BBS12: variants seen among roughly 807,000 people sequenced by gnomAD.
The protein encoded by BBS12 is Bardet-Biedl syndrome 12.
A neutral mutation model predicts 5.6 loss-of-function variants in BBS12; 5 were observed. That is an observed-to-expected ratio of 0.89 (90% CI 0.46 to 1.86). The LOEUF (loss-of-function observed/expected upper bound fraction) is 1.86, where lower values mean the gene tolerates loss of function less well. Ranked by LOEUF, BBS12 falls within the 40% of genes most tolerant of loss-of-function variation. The probability of loss-of-function intolerance (pLI) is 0.01; values close to 1 mark genes in which losing one functional copy is unlikely to be tolerated. For missense variants in BBS12, 748 were observed against 830.4 expected (o/e 0.90, Z 1.22); for synonymous variants, 308 against 306.8 (o/e 1.00, Z -0.04).
In BBS12 at chr4:122,742,424, G is replaced by A; in HGVS notation, c.532G>A (p.Asp178Asn). 6.2e-7 allele frequency: 1 copy of A among 1,614,186 alleles called. No individual in the cohort carries two copies. The change falls in exon 2 of 2, where the codon GAT (aspartate) becomes AAT (asparagine). Residue 178 changes from aspartate to asparagine, a missense_variant. Physicochemically the swap from Asp to Asn is conservative, Grantham distance 23. Coordinates refer to ENST00000314218, the MANE Select transcript of BBS12 (RefSeq NM_152618.3). ...DLIEELHGLKDVASQTLTISN... is the reference protein window; with the variant it reads ...DLIEELHGLKNVASQTLTISN... The stretch of plus-strand genomic sequence containing the variant: ...GATAGAGGAATTGCATGGTCTCAAA[G>A]ATGTTGCCTCTCAAACACTGACCAT...
At position 122,743,195 on chromosome 4, in the gene BBS12, G is replaced by T; in HGVS notation, c.1303G>T (p.Gly435Cys). The stretch of plus-strand genomic sequence containing the variant: ...TATAAACAGTAAGCGGTTGGTAATC[G>T]GCTCAGTGAATGGCAGTGTGATGCA... Reference protein sequence around the residue: ...KCINSKRLVIGSVNGSVMQAF... With the variant: ...KCINSKRLVICSVNGSVMQAF... The change falls in exon 2 of 2, where the codon GGC becomes TGC. Residue 435 changes from glycine (G) to cysteine (C), a missense_variant. Transcript: ENST00000314218. 3 of 1,614,166 alleles carry T rather than the reference G, an allele frequency of 1.9e-6. No homozygotes were observed. The highest frequency in any genetic ancestry group is 3.3e-5 in the Admixed American group (2 of 60,022).
intron 1 of BBS12, among the ~76,000 whole-genome samples, chr4:122,738,896 C>G (rs553813370): frequency 6.6e-6 from 1 of 152,232 alleles, no homozygotes; most frequent in South Asian, 2.1e-4. Context: ...TATTTCCCCC[C>G]AGTTCATGTC....
chr4:122,715,077 T>C, the BBS12 span, among the ~76,000 whole-genome samples: 2 of 151,900 alleles, frequency 1.3e-5, no homozygotes, highest in Admixed American at 1.3e-4. Flanking sequence ...TGAGGAATAA[T>C]GGCTAAATAC....
Position 122,742,260 on chromosome 4 carries a change from G to A in BBS12, c.368G>A (p.Cys123Tyr), listed in dbSNP as rs1194438058. 1.2e-6 allele frequency: 2 copies of A among 1,613,848 alleles called. No individual in the cohort carries two copies. The highest frequency in any genetic ancestry group is 1.7e-6 in the Non-Finnish European group (2 of 1,179,994). The change falls in exon 2 of 2, where the codon TGT (cysteine) becomes TAT (tyrosine). Residue 123 changes from cysteine to tyrosine, a missense_variant. By Grantham distance (194) the Cys-to-Tyr change is radical. Transcript: ENST00000314218. The stretch of plus-strand genomic sequence containing the variant: ...GTAATGTCAGAAGGCTTAAACTTTT[G>A]TAGTGAAGAGGTAGTTTCTCTTCAT... ...VSVMSEGLNF[C>Y]SEEVVSLHVP...
chr4:122,739,469 A>C (rs1329544326), intron 1 of BBS12, among the ~76,000 whole-genome samples: 2 of 152,172 alleles, frequency 1.3e-5, no homozygotes, highest in Admixed American at 1.3e-4. Flanking sequence ...AGAACTACAG[A>C]CTCCACCTTT....
At chr4:122,736,823 A>T (rs309361) in intron 1 of BBS12, among the ~76,000 whole-genome samples, 41,139 of 152,004 alleles carry the variant, frequency 0.27, 6,779 homozygotes, top group African/African-American at 0.45. Flanking sequence ...GAGTTTTTAT[A>T]TTATGTTAAT....
At chr4:122,720,225 C>A in the BBS12 span, among the ~76,000 whole-genome samples, 8 of 152,100 alleles carry the variant, frequency 5.3e-5, no homozygotes, top group Non-Finnish European at 7.4e-5. Context: ...CTGAGGCGGG[C>A]AGATCACTTG....
At chr4:122,731,227 G>A (rs1221640967), upstream of BBS12, 1 of 152,158 alleles carries the variant, frequency 6.6e-6, no homozygotes, top group Non-Finnish European at 1.5e-5. Context: ...GCTTCAAAAT[G>A]GAAGGTTGTA....
At chr4:122,736,721 T>C (rs1309475175) in intron 1 of BBS12, among the ~76,000 whole-genome samples, 2 of 152,164 alleles carry the variant, frequency 1.3e-5, no homozygotes, top group Non-Finnish European at 2.9e-5. Context: ...CCAGAAGTAC[T>C]TATCATCTTT....
In BBS12 at chr4:122,743,297, G is replaced by T. The variant is rs756359668; in HGVS notation, c.1405G>T (p.Val469Phe). Residue 469 changes from valine to phenylalanine, a missense_variant, in exon 2 of 2, where the codon GTC becomes TTC. Physicochemically the swap from Val to Phe is conservative, Grantham distance 50. Transcript: ENST00000314218. ...GAATGAAGATTGTGTGGGCGACGGG[G>T]TCTGCGTGACCTTCTGGAGAAGCAG... ...QVNEDCVGDGVCVTFWRSSPL... is the reference protein window; with the variant it reads ...QVNEDCVGDGFCVTFWRSSPL... The T allele has an allele frequency of 6.2e-7, 1 of 1,614,230 alleles. No homozygotes were observed. The highest frequency in any genetic ancestry group is 8.5e-7 in the Non-Finnish European group (1 of 1,180,036).
At chr4:122,724,512 T>C in the BBS12 span, among the ~76,000 whole-genome samples, 2 of 152,316 alleles carry the variant, frequency 1.3e-5, no homozygotes, top group East Asian at 3.9e-4. Context: ...TAAGATACAG[T>C]CTCAGACTCT....
rs546033569 is a variant in BBS12 at position 122,736,803 on chromosome 4, T to C, written c.-11+3919T>C. Reference sequence around the variant, plus strand: ...ACCCCATCTCTTAGAGGATGGGGCATTTTTGTTTTGAGTTTTTATATTATG... The same window carrying C: ...ACCCCATCTCTTAGAGGATGGGGCACTTTTGTTTTGAGTTTTTATATTATG... On this transcript the variant is annotated intron_variant, in intron 1 of 1. Coordinates refer to ENST00000314218, the MANE Select transcript of BBS12 (RefSeq NM_152618.3). Among the ~76,000 whole-genome samples, 5 of 152,232 alleles carry C rather than the reference T, an allele frequency of 3.3e-5. No homozygotes were observed. The South Asian group carries it at 1.0e-3, about 32-fold the overall frequency.
At chr4:122,723,387 T>TAGC in the BBS12 span, among the ~76,000 whole-genome samples, 305 of 152,354 alleles carry the variant, frequency 2.0e-3, 1 homozygote, top group Middle Eastern at 0.027. Flanking sequence ...GGAAAAGTGT[T>TAGC]TATTTTCAGA....
At chr4:122,718,571 C>A in the BBS12 span, among the ~76,000 whole-genome samples, 1 of 151,928 alleles carries the variant, frequency 6.6e-6, no homozygotes, top group Non-Finnish European at 1.5e-5. Flanking sequence ...TTTTCCCTGA[C>A]GGCATTTCCA....
chr4:122,716,545 GTA>G, the BBS12 span, among the ~76,000 whole-genome samples: 14 of 149,066 alleles, frequency 9.4e-5, no homozygotes, highest in South Asian at 1.5e-3. Flanking sequence ...ATACATATGT[GTA>G]TATATACACA....
At chr4:122,707,869 G>A in the BBS12 span, among the ~76,000 whole-genome samples, 1 of 152,046 alleles carries the variant, frequency 6.6e-6, no homozygotes, top group Non-Finnish European at 1.5e-5. Flanking sequence ...TTAGCTCCAC[G>A]TACCCAAAGG....
chr4:122,713,659 TTGAG>T, the BBS12 span, among the ~76,000 whole-genome samples: 3 of 152,212 alleles, frequency 2.0e-5, no homozygotes, highest in Non-Finnish European at 4.4e-5. Flanking sequence ...GTCTATTGGA[TTGAG>T]TAAGATCAGT....
intron 1 of BBS12, among the ~76,000 whole-genome samples, chr4:122,735,207 C>T (rs1360515356): frequency 1.3e-5 from 2 of 151,990 alleles, no homozygotes; most frequent in Non-Finnish European, 2.9e-5. Flanking sequence ...GAGGCATTTG[C>T]GTTGGGTCAT....
Position 122,742,991 on chromosome 4 carries a change from T to A in BBS12, c.1099T>A (p.Tyr367Asn), listed in dbSNP as rs772377294. 1 of 1,614,222 alleles carries A rather than the reference T, an allele frequency of 6.2e-7. No homozygotes were observed. Among genetic ancestry groups the A allele is most frequent in the Non-Finnish European group, 8.5e-7 (1 of 1,180,034 alleles). The change falls in exon 2 of 2, where the codon TAC becomes AAC. Residue 367 changes from tyrosine to asparagine, a missense_variant. Physicochemically the swap from Tyr to Asn is moderately radical, Grantham distance 143. Coordinates refer to ENST00000314218, the MANE Select transcript of BBS12 (RefSeq NM_152618.3). ...CATTGAGGGTGACCTCACAGAGAATTACCGCCACCTGGGATTTAATAAGTC... is the reference window on the plus strand; with the variant it reads ...CATTGAGGGTGACCTCACAGAGAATAACCGCCACCTGGGATTTAATAAGTC... ...VLIEGDLTEN[Y>N]RHLGFNKSAN...
Sources: allele counts gnomAD v4.1 joint callset (sites outside exome capture counted in the v4.1 genomes callset), GRCh38; gene constraint gnomAD v4.1.1; transcripts MANE v1.5; gene names NCBI Gene and HGNC (gene_info 2026-07-23, HGNC 2026-07-21).